CPNE4: variants seen among roughly 807,000 people sequenced by gnomAD.
The protein encoded by CPNE4 is copine-4.
CPNE4 carries 25 observed loss-of-function variants against 67.9 expected under a neutral mutation model. The observed-to-expected ratio is 0.37, with a 90% CI of 0.27 to 0.51. The LOEUF is 0.51. Among genes scored for constraint, CPNE4 ranks in the 20% least tolerant of loss-of-function variants. The pLI, the probability that CPNE4 is intolerant of heterozygous loss-of-function variation, is 0.93. For synonymous variants in CPNE4, 242 were observed against 244.9 expected (o/e 0.99, Z 0.11); for missense variants, 464 against 690.8 (o/e 0.67, Z 3.68).
At chr3:131,736,338 C>T (rs959231606) in intron 2 of CPNE4, among the ~76,000 whole-genome samples, 7 of 152,288 alleles carry the variant, frequency 4.6e-5, no homozygotes, top group East Asian at 3.9e-4. Context: ...GTTGAAGCTA[C>T]TGTCTGGGCA....
chr3:131,847,847 T>C (rs1170399136), intron 2 of CPNE4, among the ~76,000 whole-genome samples: 1 of 152,120 alleles, frequency 6.6e-6, no homozygotes, highest in Non-Finnish European at 1.5e-5. Flanking sequence ...GTTGTTCCTC[T>C]TGTAGTCCCT....
Position 132,034,868 on chromosome 3 carries a change from C to A in CPNE4, c.-303G>T, listed in dbSNP as rs916870344. 1 of 984,676 alleles carries A rather than the reference C, an allele frequency of 1.0e-6. No homozygotes were observed. The highest frequency in any genetic ancestry group is 1.2e-6 in the Non-Finnish European group (1 of 829,752). 61.0% of individuals were successfully genotyped at this position (984,676 alleles called of 1,614,324 possible). A position where few individuals can be genotyped will look rare whatever the true frequency, so the allele number is the denominator to read the frequency against. ...ATGTCAGGTCGGCTCTCAGTTAACT[C>A]GGAGAGTAAAGAGGAGGGTACTGAG... On this transcript the variant is annotated 5_prime_UTR_variant, in exon 1 of 16. Coordinates refer to ENST00000429747, the MANE Select transcript of CPNE4 (RefSeq NM_130808.3).
At chr3:131,658,305 T>C (rs371465817) in intron 7 of CPNE4, among the ~76,000 whole-genome samples, 2 of 152,142 alleles carry the variant, frequency 1.3e-5, no homozygotes, top group African/African-American at 4.8e-5. Flanking sequence ...ACTGGAGCCA[T>C]GCAGCACGAG....
chr3:132,013,938 A>G (rs1583598598), intron 1 of CPNE4, among the ~76,000 whole-genome samples: 2 of 152,208 alleles, frequency 1.3e-5, no homozygotes, highest in Non-Finnish European at 2.9e-5. Flanking sequence ...TAATGCAACC[A>G]ATATAGGTGA....
At chr3:131,727,310 C>T (rs1443382246) in intron 2 of CPNE4, among the ~76,000 whole-genome samples, 1 of 151,944 alleles carries the variant, frequency 6.6e-6, no homozygotes, top group Non-Finnish European at 1.5e-5. Flanking sequence ...ATATCTAAAA[C>T]ACGGCCAGGC....
chr3:131,562,635 G>A (rs1260599978), intron 11 of CPNE4, among the ~76,000 whole-genome samples: 3 of 152,050 alleles, frequency 2.0e-5, no homozygotes, highest in African/African-American at 7.2e-5. Flanking sequence ...GTATAAAGAA[G>A]GAAGAAAATT....
intron 7 of CPNE4, among the ~76,000 whole-genome samples, chr3:131,665,406 C>T (rs1407331324): frequency 6.6e-6 from 1 of 152,108 alleles, no homozygotes; most frequent in Non-Finnish European, 1.5e-5. Flanking sequence ...CACCTATAAT[C>T]CCAGCACTTT....
At chr3:131,606,370 T>C (rs975161981) in intron 7 of CPNE4, among the ~76,000 whole-genome samples, 139 of 152,172 alleles carry the variant, frequency 9.1e-4, no homozygotes, top group African/African-American at 3.1e-3. Flanking sequence ...AATTAGCTAC[T>C]CCTAACCAAT....
chr3:131,979,477 T>G (rs1162171087), intron 1 of CPNE4, among the ~76,000 whole-genome samples: 2 of 144,784 alleles, frequency 1.4e-5, no homozygotes, highest in East Asian at 3.9e-4. Flanking sequence ...CTTTCAAGTT[T>G]GTTTTGTCTG....
intron 2 of CPNE4, among the ~76,000 whole-genome samples, chr3:131,771,701 T>A (rs1490565108): frequency 2.0e-5 from 3 of 152,104 alleles, no homozygotes; most frequent in Non-Finnish European, 2.9e-5. Context: ...TTACCCAGCC[T>A]CAGGTATTCC....
At chr3:131,896,842 C>G (rs746663112) in intron 2 of CPNE4, among the ~76,000 whole-genome samples, 1 of 152,036 alleles carries the variant, frequency 6.6e-6, no homozygotes, top group Non-Finnish European at 1.5e-5. Context: ...ACCTTATGAT[C>G]TTAGACATTA....
intron 1 of CPNE4, among the ~76,000 whole-genome samples, chr3:131,990,949 C>A (rs767815549): frequency 7.3e-6 from 1 of 136,150 alleles, no homozygotes; most frequent in Non-Finnish European, 1.7e-5. Flanking sequence ...GGCTTTCCCC[C>A]CTTTGTTCAG....
intron 2 of CPNE4, among the ~76,000 whole-genome samples, chr3:131,764,139 G>GT (rs1358372670): frequency 6.6e-6 from 1 of 151,924 alleles, no homozygotes; most frequent in Admixed American, 6.6e-5. Flanking sequence ...TCCAAACTCA[G>GT]TGTTCTCAAA....
chr3:131,574,044 C>A (rs1415738373), intron 10 of CPNE4, among the ~76,000 whole-genome samples: 2 of 152,006 alleles, frequency 1.3e-5, no homozygotes, highest in Non-Finnish European at 2.9e-5. Context: ...CCTTTTAGTC[C>A]TTTGAGCACC....
intron 10 of CPNE4, among the ~76,000 whole-genome samples, chr3:131,568,216 G>T (rs1008014524): frequency 7.2e-5 from 11 of 152,008 alleles, no homozygotes; most frequent in Non-Finnish European, 1.5e-4. Context: ...TTTCTGGAAA[G>T]TAGTGGTTCC....
At chr3:131,942,489 A>T (rs1420761452) in intron 1 of CPNE4, among the ~76,000 whole-genome samples, 1,645 of 147,628 alleles carry the variant, frequency 0.011, 26 homozygotes, top group East Asian at 0.086. Flanking sequence ...AGAGAGAGAG[A>T]GAGAGAGAGA....
At chr3:131,829,598 C>T (rs2085294543) in intron 2 of CPNE4, among the ~76,000 whole-genome samples, 1 of 152,156 alleles carries the variant, frequency 6.6e-6, no homozygotes, top group African/African-American at 2.4e-5. Flanking sequence ...TAGTTACTAT[C>T]TTTTATCTGC....
intron 7 of CPNE4, among the ~76,000 whole-genome samples, chr3:131,634,478 C>T (rs548558576): frequency 1.3e-4 from 20 of 152,224 alleles, no homozygotes; most frequent in African/African-American, 4.8e-4. Context: ...CATCAGCCAG[C>T]AAAATAATTC....
At chr3:131,766,266 G>T (rs2083010721) in intron 2 of CPNE4, among the ~76,000 whole-genome samples, 1 of 105,150 alleles carries the variant, frequency 9.5e-6, no homozygotes, top group South Asian at 3.3e-4. Flanking sequence ...TAGTTTGTAG[G>T]GTTGTTTTGA....
Sources: allele counts gnomAD v4.1 joint callset (sites outside exome capture counted in the v4.1 genomes callset), GRCh38; gene constraint gnomAD v4.1.1; transcripts MANE v1.5; gene names NCBI Gene and HGNC (gene_info 2026-07-23, HGNC 2026-07-21).